The following CNTNAP2 variants were observed in gnomAD, a reference collection of about 807,000 sequenced individuals.
The protein encoded by CNTNAP2 is contactin associated protein 2.
A neutral mutation model predicts 155.2 loss-of-function variants in CNTNAP2; 98 were observed. That is an observed-to-expected ratio of 0.63 (90% CI 0.54 to 0.75). The LOEUF (loss-of-function observed/expected upper bound fraction) is 0.75, where lower values mean the gene tolerates loss of function less well. Among genes scored for constraint, CNTNAP2 ranks in the 30% least tolerant of loss-of-function variants. The probability of loss-of-function intolerance (pLI) is 0.00; values close to 1 mark genes in which losing one functional copy is unlikely to be tolerated. For synonymous variants in CNTNAP2, 651 were observed against 631.2 expected, an observed-to-expected ratio of 1.03 and a Z score of -0.47; for missense variants, 1,727 against 1,688.1, an observed-to-expected ratio of 1.02 and a Z score of -0.40.
intron 21 of CNTNAP2, among the ~76,000 whole-genome samples, chr7:148,283,318 A>AAGAAG (rs1797021274): frequency 8.1e-6 from 1 of 123,680 alleles, no homozygotes; most frequent in Non-Finnish European, 1.7e-5. Context: ...GAAGGAAGGA[A>AAGAAG]GGAAAGAAAG....
intron 10 of CNTNAP2, among the ~76,000 whole-genome samples, chr7:147,441,849 CT>C (rs1797644748): frequency 3.7e-5 from 5 of 136,422 alleles, no homozygotes; most frequent in Admixed American, 7.3e-5. Flanking sequence ...CTCTCTCTCT[CT>C]CCCTCCCTCC....
chr7:146,897,786 C>T (rs888289800), intron 3 of CNTNAP2, among the ~76,000 whole-genome samples: 1 of 151,880 alleles, frequency 6.6e-6, no homozygotes, highest in African/African-American at 2.4e-5. Flanking sequence ...TTTAAGTTAG[C>T]CTCATTTTTT....
intron 1 of CNTNAP2, among the ~76,000 whole-genome samples, chr7:146,307,528 C>A (rs1460061093): frequency 6.6e-6 from 1 of 152,140 alleles, no homozygotes; most frequent in African/African-American, 2.4e-5. Context: ...CCAAGACAAT[C>A]CTAAGCCAAA....
chr7:146,331,226 C>T (rs1282586437), intron 1 of CNTNAP2, among the ~76,000 whole-genome samples: 1 of 151,472 alleles, frequency 6.6e-6, no homozygotes, highest in African/African-American at 2.4e-5. Flanking sequence ...ATGGCGTGAA[C>T]CCGGGAAGCG....
intron 1 of CNTNAP2, among the ~76,000 whole-genome samples, chr7:146,295,780 A>C (rs575140603): frequency 4.0e-5 from 6 of 151,838 alleles, no homozygotes; most frequent in Non-Finnish European, 8.8e-5. Context: ...AAATGAAAAC[A>C]TGAAAACTTT....
At chr7:147,644,187 A>G (rs1214538414) in intron 13 of CNTNAP2, among the ~76,000 whole-genome samples, 2 of 152,222 alleles carry the variant, frequency 1.3e-5, no homozygotes, top group Non-Finnish European at 2.9e-5. Flanking sequence ...CCAAACAGAG[A>G]AAAATCATTA....
intron 1 of CNTNAP2, among the ~76,000 whole-genome samples, chr7:146,134,999 C>G (rs1283028690): frequency 4.6e-5 from 7 of 151,926 alleles, no homozygotes; most frequent in Middle Eastern, 3.4e-3. Flanking sequence ...CCAGTTCCTC[C>G]TTGTACCTCT....
chr7:146,571,272 GGGGAT>G (rs1348580219), intron 1 of CNTNAP2, among the ~76,000 whole-genome samples: 2 of 151,900 alleles, frequency 1.3e-5, no homozygotes, highest in African/African-American at 2.4e-5. Flanking sequence ...TATTATAATA[GGGGAT>G]CTCCACTCTG....
intron 13 of CNTNAP2, among the ~76,000 whole-genome samples, chr7:147,741,843 T>G (rs1490271616): frequency 6.6e-6 from 1 of 152,206 alleles, no homozygotes; most frequent in Non-Finnish European, 1.5e-5. Context: ...TCCTATTTTA[T>G]GTTATTATTA....
chr7:146,641,451 A>G (rs1799706430), intron 1 of CNTNAP2, among the ~76,000 whole-genome samples: 1 of 152,250 alleles, frequency 6.6e-6, no homozygotes. Flanking sequence ...TGTTAATTAT[A>G]ATGTAGGCCA....
At chr7:147,943,766 CAAAAAAAAAAAAAAAAAAAAA>C (rs144842680) in intron 14 of CNTNAP2, among the ~76,000 whole-genome samples, 5 of 40,134 alleles carry the variant, frequency 1.2e-4, no homozygotes, top group Admixed American at 3.9e-4. Flanking sequence ...GACCCCGTCT[CAAAAAAAAAAAAAAAAAAAAA>C]AAAAAAAAAA....
At chr7:148,188,313 T>A (rs777986684) in intron 18 of CNTNAP2, among the ~76,000 whole-genome samples, 5 of 152,204 alleles carry the variant, frequency 3.3e-5, no homozygotes, top group Admixed American at 6.5e-5. Flanking sequence ...TACCTCAATG[T>A]GGACGGAATT....
In CNTNAP2 at chr7:148,175,923, A is replaced by G. The variant is rs745797167; in HGVS notation, c.3010+3445A>G. Among the ~76,000 whole-genome samples, 12 of 151,830 alleles carry G rather than the reference A, an allele frequency of 7.9e-5. No individual in the cohort carries two copies. The South Asian group carries it at 1.0e-3, about 13-fold the overall frequency. On this transcript the variant is annotated intron_variant, in intron 18 of 23. Coordinates refer to ENST00000361727, the MANE Select transcript of CNTNAP2 (RefSeq NM_014141.6). The stretch of plus-strand genomic sequence containing the variant: ...CACCATAAGCACAATCTTTATTTCT[A>G]CATCAATCCCTGTCTCTGTCTCTGT...
In CNTNAP2 at chr7:148,368,312, C is replaced by G. The variant is rs75950961; in HGVS notation, c.3476-15337C>G. ...AACTGAGTTAGGTATTAAGTATAAT[C>G]TGCAAATGCAGGGAGAGTTCTGCAG... On this transcript the variant is annotated intron_variant, in intron 21 of 23. Transcript: ENST00000361727. 4.4e-4 allele frequency among the ~76,000 whole-genome samples: 67 copies of G among 152,292 alleles called. No individual in the cohort carries two copies. In the East Asian group the frequency reaches 0.012, roughly 28 times the overall value.
intron 20 of CNTNAP2, among the ~76,000 whole-genome samples, chr7:148,253,189 C>T (rs1436168863): frequency 6.6e-6 from 1 of 152,158 alleles, no homozygotes; most frequent in Non-Finnish European, 1.5e-5. Flanking sequence ...CTATTGTCTT[C>T]TACCATTCTT....
At chr7:146,444,311 C>T (rs960648616) in intron 1 of CNTNAP2, among the ~76,000 whole-genome samples, 1 of 152,190 alleles carries the variant, frequency 6.6e-6, no homozygotes, top group East Asian at 1.9e-4. Flanking sequence ...AGGCATGAAC[C>T]ACCGCACCCA....
chr7:147,453,111 T>C (rs548387765), intron 10 of CNTNAP2, among the ~76,000 whole-genome samples: 73 of 152,270 alleles, frequency 4.8e-4, no homozygotes, highest in Non-Finnish European at 8.8e-5. Context: ...TTGCCCTCTT[T>C]TTCCCTTTCT....
At chr7:146,875,108 C>G (rs1401372257) in intron 3 of CNTNAP2, among the ~76,000 whole-genome samples, 3 of 152,102 alleles carry the variant, frequency 2.0e-5, no homozygotes, top group Non-Finnish European at 4.4e-5. Context: ...ACATGAAAGA[C>G]AGACATAGGC....
In CNTNAP2 at chr7:147,868,404, C is replaced by T. The variant is rs563343732; in HGVS notation, c.2099-35161C>T. Among the ~76,000 whole-genome samples the T allele has an allele frequency of 8.9e-4, 135 of 152,292 alleles. 1 individual carries two copies. The Middle Eastern group carries it at 0.014, about 15-fold the overall frequency. ...GTCGGCCCATACTGGGAGGTGTCTC[C>T]CAGTTAGGCTACACAGGGGTCAGGG... On this transcript the variant is annotated intron_variant, in intron 13 of 23. Transcript: ENST00000361727.
Sources: gnomAD v4.1 joint callset for allele counts (sites outside exome capture counted in the v4.1 genomes callset) on GRCh38, gnomAD v4.1.1 for gene constraint, MANE v1.5 for transcripts, NCBI Gene and HGNC (gene_info 2026-07-23, HGNC 2026-07-21) for gene names.